Variants in GRIK2 observed in about 807,000 individuals in gnomAD.
GRIK2 encodes glutamate receptor ionotropic, kainate 2.
Under a neutral mutation model 100.3 loss-of-function variants are expected in GRIK2, and 32 were observed. That is an observed-to-expected ratio of 0.32 (90% CI 0.24 to 0.43). The LOEUF (loss-of-function observed/expected upper bound fraction) is 0.43. Ranked by LOEUF, GRIK2 falls within the 20% of genes least tolerant of loss-of-function variation. The pLI is 1.00. For missense variants in GRIK2, 843 were observed against 1,114.9 expected, an observed-to-expected ratio of 0.76 and a Z score of 3.47; for synonymous variants, 417 against 389.4, an observed-to-expected ratio of 1.07 and a Z score of -0.83.
intron 2 of GRIK2, among the ~76,000 whole-genome samples, chr6:101,530,777 A>G (rs1317463610): frequency 1.3e-5 from 2 of 152,038 alleles, no homozygotes; most frequent in Admixed American, 6.6e-5. Context: ...TAATCTACAG[A>G]GGCAAACATG....
intron 2 of GRIK2, among the ~76,000 whole-genome samples, chr6:101,555,385 C>T (rs955537479): frequency 6.6e-6 from 1 of 152,090 alleles, no homozygotes; most frequent in African/African-American, 2.4e-5. Context: ...ACATGTGAAG[C>T]CTCTCTTGAT....
intron 2 of GRIK2, among the ~76,000 whole-genome samples, chr6:101,542,913 G>C (rs1044070258): frequency 3.3e-5 from 5 of 152,050 alleles, no homozygotes; most frequent in Admixed American, 3.3e-4. Context: ...CAAGCCGATT[G>C]TGTCAAGGAG....
chr6:101,494,047 A>G (rs1017946888), intron 2 of GRIK2, among the ~76,000 whole-genome samples: 2 of 144,374 alleles, frequency 1.4e-5, no homozygotes, highest in Admixed American at 7.1e-5. Context: ...ATTATATAAA[A>G]TATATATGAT....
intron 2 of GRIK2, among the ~76,000 whole-genome samples, chr6:101,514,015 G>C (rs543117897): frequency 6.6e-6 from 1 of 152,044 alleles, no homozygotes; most frequent in African/African-American, 2.4e-5. Context: ...TTGCAAGACC[G>C]ATCAAGAGAA....
At chr6:101,488,373 A>C (rs1185857827) in intron 2 of GRIK2, among the ~76,000 whole-genome samples, 1 of 146,822 alleles carries the variant, frequency 6.8e-6, no homozygotes, top group Non-Finnish European at 1.5e-5. Flanking sequence ...GGTTTTTTAA[A>C]ACCTCTTTTG....
At position 101,707,465 on chromosome 6, in the gene GRIK2, TATATA is replaced by T. The variant is rs915711288; in HGVS notation, c.951+21113_951+21117del. 6.2e-5 allele frequency among the ~76,000 whole-genome samples: 9 copies of T among 145,498 alleles called. No homozygotes were observed. The Admixed American group carries it at 6.2e-4, about 10-fold the overall frequency. On this transcript the variant is annotated intron_variant, in intron 7 of 16. Coordinates refer to ENST00000369134, the MANE Select transcript of GRIK2 (RefSeq NM_021956.5). ...ATTATCACAATTCTTTTATATATAT[TATATA>T]TAATATATAAATATATATATAAATT...
At chr6:101,573,318 G>A (rs1388641252) in intron 2 of GRIK2, among the ~76,000 whole-genome samples, 1 of 152,118 alleles carries the variant, frequency 6.6e-6, no homozygotes, top group African/African-American at 2.4e-5. Context: ...CTTGGGGTTG[G>A]TTAGACTACT....
At chr6:101,573,023 T>A (rs1352996590) in intron 2 of GRIK2, among the ~76,000 whole-genome samples, 1 of 151,576 alleles carries the variant, frequency 6.6e-6, no homozygotes, top group East Asian at 1.9e-4. Context: ...ATTTTTGTAT[T>A]TTTACTAGAG....
intron 7 of GRIK2, among the ~76,000 whole-genome samples, chr6:101,789,984 C>T (rs1158006299): frequency 6.6e-6 from 1 of 152,112 alleles, no homozygotes; most frequent in Non-Finnish European, 1.5e-5. Context: ...AATGGGAGTT[C>T]ACTCATGATT....
chr6:101,953,732 C>A (rs1412216877), intron 14 of GRIK2, among the ~76,000 whole-genome samples: 1 of 151,938 alleles, frequency 6.6e-6, no homozygotes, highest in Admixed American at 6.6e-5. Flanking sequence ...TCATCGTGTC[C>A]TTTGATATAC....
chr6:101,422,688 A>C (rs1391886638), intron 2 of GRIK2, among the ~76,000 whole-genome samples: 1 of 152,054 alleles, frequency 6.6e-6, no homozygotes, highest in East Asian at 1.9e-4. Context: ...AAAAAAGAAG[A>C]AGAAACAAAG....
chr6:101,644,024 T>A (rs192083725), intron 4 of GRIK2, among the ~76,000 whole-genome samples: 2 of 151,872 alleles, frequency 1.3e-5, no homozygotes, highest in Non-Finnish European at 3.0e-5. Flanking sequence ...TGAAAATTAT[T>A]TTTTCTTTAT....
At chr6:101,577,580 T>C (rs1362307645) in intron 2 of GRIK2, among the ~76,000 whole-genome samples, 1 of 152,030 alleles carries the variant, frequency 6.6e-6, no homozygotes, top group African/African-American at 2.4e-5. Flanking sequence ...ACAAAAATAG[T>C]CAATAAAACA....
At chr6:102,051,061 A>G (rs1771153285) in intron 15 of GRIK2, among the ~76,000 whole-genome samples, 1 of 152,184 alleles carries the variant, frequency 6.6e-6, no homozygotes, top group Non-Finnish European at 1.5e-5. Flanking sequence ...TCTATTGTTG[A>G]GGAAGTTCTG....
At chr6:101,779,296 TTGTC>T (rs903371461) in intron 7 of GRIK2, among the ~76,000 whole-genome samples, 3 of 152,192 alleles carry the variant, frequency 2.0e-5, no homozygotes, top group African/African-American at 2.4e-5. Flanking sequence ...TTCTGCCTGT[TTGTC>T]TGTTACACAT....
chr6:101,453,486 G>A (rs1770825225), intron 2 of GRIK2, among the ~76,000 whole-genome samples: 1 of 151,886 alleles, frequency 6.6e-6, no homozygotes. Context: ...TCTTATTACG[G>A]TTTAGAGAAA....
chr6:101,893,820 A>G (rs2128458898), intron 12 of GRIK2, among the ~76,000 whole-genome samples: 1 of 151,826 alleles, frequency 6.6e-6, no homozygotes, highest in African/African-American at 2.4e-5. Flanking sequence ...AATGAACCCA[A>G]CTGAATATGT....
intron 2 of GRIK2, among the ~76,000 whole-genome samples, chr6:101,557,849 A>G (rs555062399): frequency 1.3e-5 from 2 of 152,302 alleles, no homozygotes; most frequent in African/African-American, 4.8e-5. Context: ...AATCATGCCT[A>G]TTATTTCACT....
intron 11 of GRIK2, among the ~76,000 whole-genome samples, chr6:101,872,085 G>A (rs1262230901): frequency 6.6e-6 from 1 of 151,880 alleles, no homozygotes; most frequent in Non-Finnish European, 1.5e-5. Flanking sequence ...TCTGACTGAT[G>A]TGAGATGGTA....
Sources: allele counts gnomAD v4.1 joint callset (sites outside exome capture counted in the v4.1 genomes callset), GRCh38; gene constraint gnomAD v4.1.1; transcripts MANE v1.5; gene names NCBI Gene and HGNC (gene_info 2026-07-23, HGNC 2026-07-21).